Variants in MID1 observed in about 807,000 individuals in gnomAD.
MID1 encodes midline 1, also known as E3 ubiquitin-protein ligase Midline-1.
MID1 carries 7 observed loss-of-function variants against 40.4 expected under a neutral mutation model. The ratio of observed to expected loss-of-function variants is 0.17; its 90% confidence interval spans 0.10 to 0.33. MID1 has a LOEUF of 0.33. Among genes scored for constraint, MID1 ranks in the 10% least tolerant of loss-of-function variants. The probability of loss-of-function intolerance (pLI) is 1.00; values close to 1 mark genes in which losing one functional copy is unlikely to be tolerated. For synonymous variants in MID1, 229 were observed against 221.2 expected, an observed-to-expected ratio of 1.04 and a Z score of -0.31; for missense variants, 367 against 558.5, an observed-to-expected ratio of 0.66 and a Z score of 3.46.
At chrX:10,450,982 T>C (rs1008285075) in intron 9 of MID1, among the ~76,000 whole-genome samples, 5 of 112,062 alleles carry the variant, frequency 4.5e-5, no homozygotes, top group South Asian at 3.7e-4. Context: ...AAAAATTTCA[T>C]GGGTCTTTAA....
At chrX:10,803,821 A>T (rs1378630084) in intron 1 of MID1, among the ~76,000 whole-genome samples, 1 of 111,635 alleles carries the variant, frequency 9.0e-6, no homozygotes, top group East Asian at 2.8e-4. Context: ...AGTCATTATT[A>T]TTTCAAATAT....
At chrX:10,762,624 A>G (rs7062116) in intron 1 of MID1, among the ~76,000 whole-genome samples, 11,543 of 110,224 alleles carry the variant, frequency 0.1, 1,485 homozygotes, top group African/African-American at 0.36. Context: ...TTGTAGAGAC[A>G]AGGTTTTGCC....
At chrX:10,799,635 C>T (rs1432808841) in intron 1 of MID1, among the ~76,000 whole-genome samples, 1 of 111,142 alleles carries the variant, frequency 9.0e-6, no homozygotes, top group Non-Finnish European at 1.9e-5. Context: ...TCTAGAACTT[C>T]CAGGAGATTT....
rs1484756311 is a variant in MID1 at position 10,447,131 on chromosome X, A to G, written c.*2237T>C. On this transcript the variant is annotated 3_prime_UTR_variant, in exon 10 of 10. Transcript: ENST00000317552. The stretch of plus-strand genomic sequence containing the variant: ...GAACTAGTAACTGCTACTATCCACA[A>G]TGCTTTTAAGTTAGCCAAGAGTGAG... 1 of 111,824 alleles carries G rather than the reference A, an allele frequency of 8.9e-6. No homozygotes were observed. Among genetic ancestry groups the G allele is most frequent in the Non-Finnish European group, 1.9e-5 (1 of 53,177 alleles). 9.2% of individuals were successfully genotyped at this position (111,824 alleles called of 1,213,427 possible).
intron 1 of MID1, among the ~76,000 whole-genome samples, chrX:10,601,876 AGTTTTT>A (rs1331447442): frequency 0.017 from 1,799 of 106,872 alleles, 45 homozygotes; most frequent in African/African-American, 0.056. Context: ...ATGGAATTGG[AGTTTTT>A]GTTTTTGTTT....
At chrX:10,460,933 C>T (rs1327520292) in intron 7 of MID1, among the ~76,000 whole-genome samples, 2 of 110,843 alleles carry the variant, frequency 1.8e-5, no homozygotes, top group Non-Finnish European at 3.8e-5. Context: ...GTCACAGGCT[C>T]CCGAAGCCTG....
At chrX:10,681,025 CAATAATAATAATAAT>C (rs56941761) in intron 1 of MID1, among the ~76,000 whole-genome samples, 889 of 82,576 alleles carry the variant, frequency 0.011, 10 homozygotes, top group African/African-American at 0.032. Context: ...GACCCTGTCT[CAATAATAATAATAAT>C]AATAATAATA....
chrX:10,524,354 T>C (rs1015148891), intron 2 of MID1, among the ~76,000 whole-genome samples: 3 of 111,372 alleles, frequency 2.7e-5, no homozygotes, highest in Non-Finnish European at 5.7e-5. Context: ...AGAAGAACTG[T>C]CTTGGGCCAC....
At chrX:10,696,169 AAG>A (rs1288607376) in intron 1 of MID1, among the ~76,000 whole-genome samples, 2 of 111,826 alleles carry the variant, frequency 1.8e-5, no homozygotes, top group African/African-American at 6.5e-5. Flanking sequence ...CATGCACACT[AAG>A]AGGAAAAATG....
At chrX:10,683,850 A>C (rs2043076321) in intron 1 of MID1, among the ~76,000 whole-genome samples, 1 of 91,389 alleles carries the variant, frequency 1.1e-5, no homozygotes, top group Non-Finnish European at 2.0e-5. Flanking sequence ...GGCTCACTGC[A>C]ACCTCTGCCT....
chrX:10,809,479 A>G (rs1232355354), intron 1 of MID1, among the ~76,000 whole-genome samples: 2 of 111,613 alleles, frequency 1.8e-5, no homozygotes, highest in Non-Finnish European at 1.9e-5. Flanking sequence ...ACATGCACAC[A>G]TATGTTTATT....
intron 1 of MID1, among the ~76,000 whole-genome samples, chrX:10,819,423 G>A (rs755387850): frequency 8.9e-6 from 1 of 111,744 alleles, no homozygotes; most frequent in Non-Finnish European, 1.9e-5. Flanking sequence ...TATTGCAACC[G>A]AAGACATCAC....
chrX:10,804,056 G>T, intron 1 of MID1, among the ~76,000 whole-genome samples: 1 of 111,577 alleles, frequency 9.0e-6, no homozygotes, highest in Non-Finnish European at 1.9e-5. Flanking sequence ...GTCTGTGGAT[G>T]AACCCATCAA....
rs373793803 is a variant in MID1, at chrX:10,584,432, A to G, written c.-56-16829T>C. 3.2e-4 allele frequency among the ~76,000 whole-genome samples: 36 copies of G among 112,164 alleles called. 1 individual carries two copies. The East Asian group carries it at 7.3e-3, about 23-fold the overall frequency. On this transcript the variant is annotated intron_variant, in intron 1 of 9. Transcript: ENST00000317552. ...GGACAGGAAGGAAATGAATAGAGAC[A>G]TTGGAAGAGGCATTGGTTTTGTCAG...
intron 4 of MID1, among the ~76,000 whole-genome samples, chrX:10,484,988 A>G (rs1316309954): frequency 3.6e-5 from 4 of 111,438 alleles, no homozygotes; most frequent in Non-Finnish European, 7.5e-5. Flanking sequence ...AAAAAAAAAA[A>G]GAAAAAAGAA....
intron 6 of MID1, among the ~76,000 whole-genome samples, chrX:10,473,579 C>T (rs1444616093): frequency 8.9e-6 from 1 of 112,178 alleles, no homozygotes; most frequent in Non-Finnish European, 1.9e-5. Flanking sequence ...ACAATGTTCC[C>T]TTTCTCCTGC....
chrX:10,828,975 T>C (rs1238737779), intron 1 of MID1, among the ~76,000 whole-genome samples: 1 of 112,085 alleles, frequency 8.9e-6, no homozygotes. Context: ...CCCTGAGAAG[T>C]TTAAAATGTC....
chrX:10,600,559 T>C (rs1312820394), intron 1 of MID1, among the ~76,000 whole-genome samples: 1 of 111,491 alleles, frequency 9.0e-6, no homozygotes, highest in African/African-American at 3.3e-5. Flanking sequence ...ACCCAGAAAG[T>C]GTCATATAAA....
chrX:10,686,690 T>C (rs1172714581), intron 1 of MID1, among the ~76,000 whole-genome samples: 1 of 111,477 alleles, frequency 9.0e-6, no homozygotes, highest in Non-Finnish European at 1.9e-5. Flanking sequence ...GAGATCCACA[T>C]CAGTAAAGAG....
Sources: allele counts gnomAD v4.1 joint callset (sites outside exome capture counted in the v4.1 genomes callset), GRCh38; gene constraint gnomAD v4.1.1; transcripts MANE v1.5; gene names NCBI Gene and HGNC (gene_info 2026-07-23, HGNC 2026-07-21).